The following SCFD2 variants were observed in gnomAD, a reference collection of about 807,000 sequenced individuals.
SCFD2 encodes the protein sec1 family domain containing 2, also known as sec1 family domain-containing protein 2.
SCFD2 carries 54 observed loss-of-function variants against 58.9 expected under a neutral mutation model. The ratio of observed to expected loss-of-function variants is 0.92; its 90% confidence interval spans 0.74 to 1.15. The LOEUF (loss-of-function observed/expected upper bound fraction) is 1.15. Ranked by LOEUF, SCFD2 falls within the 50% of genes most tolerant of loss-of-function variation. The pLI is 0.00. For synonymous variants in SCFD2, 321 were observed against 335.9 expected, an observed-to-expected ratio of 0.96 and a Z score of 0.49; for missense variants, 805 against 836.6, an observed-to-expected ratio of 0.96 and a Z score of 0.47.
chr4:53,250,658 G>T (rs1730329814), intron 4 of SCFD2, among the ~76,000 whole-genome samples: 1 of 152,170 alleles, frequency 6.6e-6, no homozygotes. Flanking sequence ...GGTAAATAAT[G>T]AAATGAAGGC....
chr4:53,217,126 A>G (rs1161094679), intron 4 of SCFD2, among the ~76,000 whole-genome samples: 1 of 152,150 alleles, frequency 6.6e-6, no homozygotes, highest in Non-Finnish European at 1.5e-5. Flanking sequence ...TATTCTGTTG[A>G]TTTGGGGTGG....
intron 3 of SCFD2, among the ~76,000 whole-genome samples, chr4:53,280,703 T>C (rs1731482661): frequency 6.6e-6 from 1 of 152,216 alleles, no homozygotes; most frequent in African/African-American, 2.4e-5. Flanking sequence ...GTTTTAAGAC[T>C]TGCATTCTTA....
At chr4:53,336,988 A>G (rs1473040083) in intron 2 of SCFD2, among the ~76,000 whole-genome samples, 1 of 152,214 alleles carries the variant, frequency 6.6e-6, no homozygotes, top group Admixed American at 6.5e-5. Context: ...TCAAACCACA[A>G]TGAGATACCA....
At chr4:53,009,414 T>C (rs1722048424) in intron 5 of SCFD2, among the ~76,000 whole-genome samples, 1 of 152,210 alleles carries the variant, frequency 6.6e-6, no homozygotes, top group African/African-American at 2.4e-5. Flanking sequence ...GATCTTTTAA[T>C]ATCAAATGTA....
chr4:52,971,693 C>G lies in SCFD2; in HGVS notation c.1562-50823G>C, dbSNP rs1391857220. 2.6e-5 allele frequency among the ~76,000 whole-genome samples: 4 copies of G among 152,232 alleles called. No individual in the cohort carries two copies. The East Asian group carries it at 7.7e-4, about 29-fold the overall frequency. On this transcript the variant is annotated intron_variant, in intron 5 of 8. Transcript: ENST00000401642. ...CCACAAAGATACTCCTTGAGAAGAG[C>G]AACTCCAAGACACATAATTGTCAGA...
At chr4:53,288,356 C>A (rs958094917) in intron 3 of SCFD2, among the ~76,000 whole-genome samples, 1 of 152,012 alleles carries the variant, frequency 6.6e-6, no homozygotes, top group African/African-American at 2.4e-5. Flanking sequence ...TTACTGAAAA[C>A]TTCTCAAGTC....
At chr4:52,947,950 C>T (rs1273793110) in intron 5 of SCFD2, among the ~76,000 whole-genome samples, 1 of 117,414 alleles carries the variant, frequency 8.5e-6, no homozygotes, top group Non-Finnish European at 1.8e-5. Context: ...ATACAAACAA[C>T]CAAGTAGAAA....
intron 5 of SCFD2, among the ~76,000 whole-genome samples, chr4:52,925,303 T>C (rs1011668670): frequency 6.6e-6 from 1 of 150,668 alleles, no homozygotes; most frequent in Non-Finnish European, 1.5e-5. Flanking sequence ...TTTATATATA[T>C]ATGTACTATA....
intron 5 of SCFD2, among the ~76,000 whole-genome samples, chr4:53,058,917 A>G (rs1167899456): frequency 2.0e-5 from 3 of 152,164 alleles, no homozygotes; most frequent in African/African-American, 7.2e-5. Flanking sequence ...GAAGATGGAA[A>G]GCACACAGAC....
At chr4:52,907,414 G>C (rs770414142) in intron 7 of SCFD2, 43 bp downstream of exon 7, 1 of 1,597,758 alleles carries the variant, frequency 6.3e-7, no homozygotes, top group Non-Finnish European at 8.6e-7. Context: ...CCAGCAAAGA[G>C]AACATTTCTA....
At chr4:53,140,395 ATATATAT>A (rs1726095945) in intron 5 of SCFD2, among the ~76,000 whole-genome samples, 8 of 139,042 alleles carry the variant, frequency 5.8e-5, no homozygotes, top group African/African-American at 2.2e-4. Flanking sequence ...AAATGCTAAT[ATATATAT>A]ATATATATAT....
intron 4 of SCFD2, among the ~76,000 whole-genome samples, chr4:53,154,138 C>A (rs1041427572): frequency 1.2e-4 from 19 of 152,296 alleles, no homozygotes; most frequent in African/African-American, 4.3e-4. Flanking sequence ...ATTTTTATAG[C>A]AATACCCCAT....
chr4:53,225,113 C>G (rs1210551062), intron 4 of SCFD2, among the ~76,000 whole-genome samples: 2 of 152,008 alleles, frequency 1.3e-5, no homozygotes, highest in South Asian at 2.1e-4. Context: ...TAAATCATAT[C>G]ACCATATTTG....
chr4:53,221,947 T>C (rs1033608217), intron 4 of SCFD2, among the ~76,000 whole-genome samples: 1 of 152,212 alleles, frequency 6.6e-6, no homozygotes, highest in African/African-American at 2.4e-5. Flanking sequence ...ATAGGACTGA[T>C]TCTGTTAACT....
At chr4:53,271,544 C>A (rs1731169166) in intron 4 of SCFD2, among the ~76,000 whole-genome samples, 1 of 151,836 alleles carries the variant, frequency 6.6e-6, no homozygotes, top group Admixed American at 6.6e-5. Flanking sequence ...CTCACTGCAA[C>A]CTCTGCCTCC....
chr4:52,906,090 A>T (rs958397315), intron 7 of SCFD2, among the ~76,000 whole-genome samples: 1 of 152,182 alleles, frequency 6.6e-6, no homozygotes, highest in African/African-American at 2.4e-5. Flanking sequence ...ATCTTTGGAC[A>T]AAGAGCAGAG....
intron 2 of SCFD2, among the ~76,000 whole-genome samples, chr4:53,336,089 AG>A (rs1733675748): frequency 6.6e-6 from 1 of 152,206 alleles, no homozygotes; most frequent in Non-Finnish European, 1.5e-5. Context: ...AAGCCCTTAG[AG>A]ACTCTTACAT....
chr4:52,928,288 A>C (rs1343462848), intron 5 of SCFD2, among the ~76,000 whole-genome samples: 2 of 152,144 alleles, frequency 1.3e-5, no homozygotes, highest in African/African-American at 4.8e-5. Flanking sequence ...GTGAGCTATG[A>C]TCACCACTGT....
chr4:53,150,730 C>A (rs750635506), intron 4 of SCFD2, among the ~76,000 whole-genome samples: 6 of 152,286 alleles, frequency 3.9e-5, no homozygotes, highest in South Asian at 2.1e-4. Context: ...GGAAACAATA[C>A]CATAAATGCC....
Sources: allele counts gnomAD v4.1 joint callset (sites outside exome capture counted in the v4.1 genomes callset), GRCh38; gene constraint gnomAD v4.1.1; transcripts MANE v1.5; gene names NCBI Gene and HGNC (gene_info 2026-07-23, HGNC 2026-07-21).